TMEM138: variants seen among roughly 807,000 people sequenced by gnomAD.
The protein encoded by TMEM138 is transmembrane protein 138.
TMEM138 carries 9 observed loss-of-function variants against 18.1 expected under a neutral mutation model. The ratio of observed to expected loss-of-function variants is 0.50; its 90% CI spans 0.30 to 0.87. The LOEUF is 0.87. Among genes scored for constraint, TMEM138 ranks in the 40% least tolerant of loss-of-function variants. The probability of loss-of-function intolerance (pLI) is 0.06; values close to 1 mark genes in which losing one functional copy is unlikely to be tolerated. For missense variants in TMEM138, 189 were observed against 190.6 expected (o/e 0.99, Z 0.05); for synonymous variants, 79 against 74.8 (o/e 1.06, Z -0.29).
chr11:61,369,399 T>A lies in TMEM138; in HGVS notation c.*690T>A, dbSNP rs1460818543. On this transcript the variant is annotated 3_prime_UTR_variant, in exon 5 of 5. Transcript: ENST00000278826. The stretch of plus-strand genomic sequence containing the variant: ...TGGAATCTGATGCTGCATCCCCCAC[T>A]CCTGGAGCTCCAGATGTGTGTGCTC... The A allele has an allele frequency of 6.6e-6, 1 of 152,294 alleles. No homozygotes were observed. Among genetic ancestry groups the A allele is most frequent in the East Asian group, 1.9e-4 (1 of 5,204 alleles). The allele number at this position is 152,294 out of a possible 1,614,324, so 9.4% of individuals were successfully genotyped here.
At chr11:61,370,543 C>G (rs544606859), downstream of TMEM138, among the ~76,000 whole-genome samples, 1 of 152,268 alleles carries the variant, frequency 6.6e-6, no homozygotes, top group East Asian at 1.9e-4. Flanking sequence ...AAGCCACACC[C>G]TGTCTCTACT....
intron 3 of TMEM138, chr11:61,366,431 C>T (rs914883262): frequency 3.9e-5 from 19 of 484,788 alleles, no homozygotes; most frequent in South Asian, 7.3e-5. Flanking sequence ...ATTCCTGAAT[C>T]GCTAAAGGGC....
Position 61,364,370 on chromosome 11 carries a change from G to A in TMEM138, c.-21G>A, listed in dbSNP as rs1156511815. On this transcript the variant is annotated 5_prime_UTR_variant, in exon 2 of 5. Transcript: ENST00000278826. Reference sequence around the variant, plus strand: ...GGAACTGTGGGATGTGCCCTTGGGGGCCCGAGAAAACAGAAGGAAGATGCT... The same window carrying A: ...GGAACTGTGGGATGTGCCCTTGGGGACCCGAGAAAACAGAAGGAAGATGCT... 1 of 1,613,042 alleles carries A rather than the reference G, an allele frequency of 6.2e-7. No individual in the cohort carries two copies. The highest frequency in any genetic ancestry group is 1.1e-5 in the South Asian group (1 of 90,980).
At chr11:61,365,021 C>T (rs762511428) in intron 2 of TMEM138, among the ~76,000 whole-genome samples, 81 of 151,700 alleles carry the variant, frequency 5.3e-4, no homozygotes, top group Non-Finnish European at 1.0e-3. Context: ...AACCCCATCT[C>T]TACTAAAAAT....
chr11:61,363,278 C>A (rs1035761192), intron 1 of TMEM138: 1 of 152,108 alleles, frequency 6.6e-6, no homozygotes, highest in Non-Finnish European at 1.5e-5. Flanking sequence ...GAACATATGT[C>A]CAATAAGGTG....
chr11:61,374,592 T>C (rs1052370541), downstream of TMEM138, among the ~76,000 whole-genome samples: 1 of 152,220 alleles, frequency 6.6e-6, no homozygotes, highest in Non-Finnish European at 1.5e-5. Context: ...CTAAAACATT[T>C]TGTCATCCAT....
At chr11:61,366,450 A>ACTTTT (rs780552816) in intron 3 of TMEM138, 32 of 446,028 alleles carry the variant, frequency 7.2e-5, no homozygotes, top group African/African-American at 1.2e-4. Flanking sequence ...GCTAGGAATA[A>ACTTTT]CTTTTCTTTT....
chr11:61,374,961 C>A (rs1212228548), downstream of TMEM138, among the ~76,000 whole-genome samples: 1 of 151,928 alleles, frequency 6.6e-6, no homozygotes, highest in African/African-American at 2.4e-5. Context: ...ATCTCAAAAA[C>A]AAACAAACAA....
chr11:61,365,106 T>G (rs1440380300), intron 2 of TMEM138, among the ~76,000 whole-genome samples: 1 of 150,148 alleles, frequency 6.7e-6, no homozygotes, highest in Non-Finnish European at 1.5e-5. Flanking sequence ...GAGAATCACT[T>G]GAACCTGGGA....
chr11:61,371,036 T>C (rs1289318294), downstream of TMEM138, among the ~76,000 whole-genome samples: 1 of 151,984 alleles, frequency 6.6e-6, no homozygotes, highest in East Asian at 1.9e-4. Flanking sequence ...AATAAATGAA[T>C]TTATTTTATT....
At chr11:61,371,284 C>T (rs1378828136), downstream of TMEM138, among the ~76,000 whole-genome samples, 1 of 152,160 alleles carries the variant, frequency 6.6e-6, no homozygotes, top group Non-Finnish European at 1.5e-5. Flanking sequence ...CTGCCCCCCT[C>T]GGCCTCCCAA....
chr11:61,367,594 C>CAGG (rs1232044218), intron 3 of TMEM138: 1 of 258,552 alleles, frequency 3.9e-6, no homozygotes, highest in African/African-American at 2.2e-5. Context: ...CTTTATCTGA[C>CAGG]AGGAGCTGAG....
chr11:61,373,128 G>A (rs886456815), downstream of TMEM138, among the ~76,000 whole-genome samples: 14 of 152,080 alleles, frequency 9.2e-5, no homozygotes, highest in East Asian at 1.9e-4. Context: ...CTTCACGCCC[G>A]GTAGAAGATG....
intron 3 of TMEM138, 51 bp from the exon 4 acceptor site, chr11:61,367,872 A>G (rs370071671): frequency 4.5e-4 from 544 of 1,207,614 alleles, no homozygotes; most frequent in Non-Finnish European, 6.4e-4. Context: ...AGTTGGAGAC[A>G]TTAGGGCTTC....
chr11:61,365,114 G>A (rs1247504455), intron 2 of TMEM138, among the ~76,000 whole-genome samples: 1 of 150,840 alleles, frequency 6.6e-6, no homozygotes, highest in East Asian at 2.0e-4. Flanking sequence ...CTTGAACCTG[G>A]GAGGCAGAGG....
rs757369483 is a variant in TMEM138, at chr11:61,364,374, G to A, written c.-17G>A. 4.2e-5 allele frequency: 67 copies of A among 1,613,356 alleles called. No homozygotes were observed. The highest frequency in any genetic ancestry group is 5.3e-5 in the Non-Finnish European group (63 of 1,179,582). On this transcript the variant is annotated 5_prime_UTR_variant, in exon 2 of 5. Coordinates refer to ENST00000278826, the MANE Select transcript of TMEM138 (RefSeq NM_016464.5). ...CTGTGGGATGTGCCCTTGGGGGCCC[G>A]AGAAAACAGAAGGAAGATGCTCCAG... is the stretch of plus-strand genomic sequence containing the variant.
Position 61,364,394 on chromosome 11 carries a change from C to T in TMEM138, c.4C>T (p.Leu2Phe), listed in dbSNP as rs942341847. 1 of 1,613,970 alleles carries T rather than the reference C, an allele frequency of 6.2e-7. No homozygotes were observed. The highest frequency in any genetic ancestry group is 1.7e-5 in the Admixed American group (1 of 59,998). ...GGCCCGAGAAAACAGAAGGAAGATG[C>T]TCCAGACCAGTAACTACAGCCTGGT... M[L>F]QTSNYSLVLS... The change falls in exon 2 of 5, where the codon CTC becomes TTC. Residue 2 changes from leucine to phenylalanine, a missense_variant. By Grantham distance (22) the Leu-to-Phe change is conservative. Transcript: ENST00000278826.
At chr11:61,375,848 T>A (rs1008127902), downstream of TMEM138, among the ~76,000 whole-genome samples, 1 of 152,182 alleles carries the variant, frequency 6.6e-6, no homozygotes, top group Non-Finnish European at 1.5e-5. Context: ...GTCCAAGGTT[T>A]CTGACCTGTG....
In TMEM138 at chr11:61,368,988, C is replaced by T. The variant is rs1347310103; in HGVS notation, c.*279C>T. On this transcript the variant is annotated 3_prime_UTR_variant, in exon 5 of 5. Transcript: ENST00000278826. Reference sequence around the variant, plus strand: ...CATTCATTCTCCCTGACCGGCCTTTCTTGCCGAGGGTTCTGTGGCTCTTAC... The same window carrying T: ...CATTCATTCTCCCTGACCGGCCTTTTTTGCCGAGGGTTCTGTGGCTCTTAC... 5.2e-6 allele frequency: 2 copies of T among 383,398 alleles called. No homozygotes were observed. Among genetic ancestry groups the T allele is most frequent in the Non-Finnish European group, 9.8e-6 (2 of 204,416 alleles). 23.7% of individuals were successfully genotyped at this position (383,398 alleles called of 1,614,324 possible).
Sources: allele counts gnomAD v4.1 joint callset (sites outside exome capture counted in the v4.1 genomes callset), GRCh38; gene constraint gnomAD v4.1.1; transcripts MANE v1.5; gene names NCBI Gene and HGNC (gene_info 2026-07-23, HGNC 2026-07-21).